Variants in DNAAF11 observed in about 807,000 individuals in gnomAD.
The protein encoded by DNAAF11 is dynein axonemal assembly factor 11.
In DNAAF11, 45 loss-of-function variants were observed where a neutral mutation model predicts 60.8. The ratio of observed to expected loss-of-function variants is 0.74; its 90% confidence interval spans 0.58 to 0.95. The LOEUF (loss-of-function observed/expected upper bound fraction) is 0.95. DNAAF11 is among the 40% of genes least tolerant of loss of function. The pLI is 0.00. For missense variants in DNAAF11, 546 were observed against 546.2 expected (o/e 1.00, Z 0.00); for synonymous variants, 191 against 183.5 (o/e 1.04, Z -0.33).
chr8:132,622,522 G>T, intron 7 of DNAAF11, 89 bp downstream of exon 7: 1 of 948,586 alleles, frequency 1.1e-6, no homozygotes, highest in Non-Finnish European at 1.7e-6. Flanking sequence ...AATATTCTTT[G>T]CAGAGCAAAC....
At chr8:132,656,623 C>T (rs557402136) in intron 3 of DNAAF11, among the ~76,000 whole-genome samples, 1 of 152,218 alleles carries the variant, frequency 6.6e-6, no homozygotes, top group East Asian at 1.9e-4. Context: ...AGGTGCATGC[C>T]ACCACGCCTG....
rs1248373891 is a variant in DNAAF11, at chr8:132,667,811, C to A, written c.11-6184G>T. ...TCTCCAAAATTTGAGGCTGTATCAGCAAAATGACTTTGCAGGGAGCAGGGA... is the reference window on the plus strand; with the variant it reads ...TCTCCAAAATTTGAGGCTGTATCAGAAAAATGACTTTGCAGGGAGCAGGGA... On this transcript the variant is annotated intron_variant, in intron 1 of 11. Transcript: ENST00000620350. Among the ~76,000 whole-genome samples, 6 of 152,220 alleles carry A rather than the reference C, an allele frequency of 3.9e-5. No homozygotes were observed. In the East Asian group the frequency reaches 7.7e-4, roughly 20 times the overall value.
chr8:132,602,102 T>C (rs2129746092), intron 10 of DNAAF11, among the ~76,000 whole-genome samples: 1 of 152,258 alleles, frequency 6.6e-6, no homozygotes, highest in East Asian at 1.9e-4. Context: ...AGTGCTCTCT[T>C]CAGCTATGTC....
intron 10 of DNAAF11, among the ~76,000 whole-genome samples, chr8:132,590,285 A>G (rs1281477140): frequency 6.6e-6 from 1 of 152,198 alleles, no homozygotes; most frequent in Non-Finnish European, 1.5e-5. Flanking sequence ...CAGCAGTGGT[A>G]GAGTCTACTC....
chr8:132,578,424 T>A (rs1814984966), intron 11 of DNAAF11: 1 of 1,490,804 alleles, frequency 6.7e-7, no homozygotes, highest in East Asian at 2.5e-5. Context: ...TTTCCCCGCC[T>A]TAATGTCAGA....
At chr8:132,647,975 C>T (rs981157827) in intron 3 of DNAAF11, among the ~76,000 whole-genome samples, 2 of 152,084 alleles carry the variant, frequency 1.3e-5, no homozygotes, top group Non-Finnish European at 2.9e-5. Flanking sequence ...TTCCAATCAA[C>T]AGAAGAAGAG....
At position 132,656,941 on chromosome 8, in the gene DNAAF11, A is replaced by G. The variant is rs1823635460; in HGVS notation, c.179-34T>C. On this transcript the variant is annotated intron_variant, in intron 2 of 11. Transcript: ENST00000620350. ...CAAGATAATGTAGTTAAGATAATTAATCTTCAAAATAAAGACACTTTTATG... is the reference window on the plus strand; with the variant it reads ...CAAGATAATGTAGTTAAGATAATTAGTCTTCAAAATAAAGACACTTTTATG... The G allele has an allele frequency of 4.0e-6, 3 of 750,448 alleles. No individual in the cohort carries two copies. In the African/African-American group the frequency reaches 5.4e-5, roughly 14 times the overall value. The allele number at this position is 750,448 out of a possible 1,614,324, so 46.5% of individuals were successfully genotyped here.
chr8:132,595,192 C>T (rs1816861434), intron 10 of DNAAF11, among the ~76,000 whole-genome samples: 1 of 151,820 alleles, frequency 6.6e-6, no homozygotes, highest in African/African-American at 2.4e-5. Context: ...ATGCTCTTGG[C>T]AGAAAAAGCA....
At chr8:132,592,000 A>C (rs900240844) in intron 10 of DNAAF11, among the ~76,000 whole-genome samples, 4 of 152,214 alleles carry the variant, frequency 2.6e-5, no homozygotes, top group African/African-American at 9.6e-5. Context: ...TCAATTCTTT[A>C]AAATCCATAT....
the DNAAF11 span, among the ~76,000 whole-genome samples, chr8:132,698,967 C>CA: frequency 9.1e-6 from 1 of 109,618 alleles, no homozygotes; most frequent in African/African-American, 3.3e-5. Context: ...CACACACACA[C>CA]ACACAAAAAA....
chr8:132,584,621 T>C (rs1444324933), intron 10 of DNAAF11, among the ~76,000 whole-genome samples: 1 of 152,162 alleles, frequency 6.6e-6, no homozygotes, highest in Non-Finnish European at 1.5e-5. Flanking sequence ...GCCTTTTGTT[T>C]TCAAGGAGTG....
chr8:132,609,350 G>GAAA (rs530973490), intron 10 of DNAAF11, among the ~76,000 whole-genome samples: 1 of 115,972 alleles, frequency 8.6e-6, no homozygotes, highest in African/African-American at 3.1e-5. Context: ...CGGGAATCAA[G>GAAA]AAAAAAAAAA....
At position 132,611,342 on chromosome 8, in the gene DNAAF11, G is replaced by T. The variant is rs750858514; in HGVS notation, c.996C>A (p.Ile332=). The T allele has an allele frequency of 2.6e-5, 42 of 1,607,940 alleles. No individual in the cohort carries two copies. Among genetic ancestry groups the T allele is most frequent in the Admixed American group, 5.0e-5 (3 of 59,956 alleles). ...AVYRYMDTSL[I]DVDVQPTYVR... Reference sequence around the variant, plus strand: ...CGTAAGTTGGTTGCACATCAACATCGATTAAAGAGGTATCCATATACCTTC... The same window carrying T: ...CGTAAGTTGGTTGCACATCAACATCTATTAAAGAGGTATCCATATACCTTC... Residue 332 remains isoleucine (I), a synonymous_variant, in exon 9 of 12, where the codon ATC becomes ATA. Transcript: ENST00000620350.
chr8:132,674,522 G>C (rs185809743), intron 1 of DNAAF11, among the ~76,000 whole-genome samples: 1 of 152,176 alleles, frequency 6.6e-6, no homozygotes, highest in Non-Finnish European at 1.5e-5. Context: ...AAACGTTGTC[G>C]ATATCAAAAT....
chr8:132,694,612 G>A, the DNAAF11 span, among the ~76,000 whole-genome samples: 3 of 152,200 alleles, frequency 2.0e-5, no homozygotes, highest in Non-Finnish European at 4.4e-5. Context: ...TTTTTAATTT[G>A]TAAAATTGAA....
chr8:132,573,782 A>T (rs1016895160), intron 11 of DNAAF11, among the ~76,000 whole-genome samples: 3 of 152,182 alleles, frequency 2.0e-5, no homozygotes, highest in Non-Finnish European at 4.4e-5. Context: ...TAATCTGCCT[A>T]GTCCTTGAAG....
intron 3 of DNAAF11, among the ~76,000 whole-genome samples, chr8:132,656,571 A>C (rs1823593663): frequency 6.6e-6 from 1 of 152,180 alleles, no homozygotes; most frequent in Non-Finnish European, 1.5e-5. Context: ...TCCTGGGTTC[A>C]AGCGATTCTC....
intron 10 of DNAAF11, among the ~76,000 whole-genome samples, chr8:132,590,018 A>G (rs562318200): frequency 3.3e-5 from 5 of 152,312 alleles, no homozygotes; most frequent in African/African-American, 1.2e-4. Flanking sequence ...TGGGTGTGAC[A>G]TGGTGTCTTA....
At chr8:132,636,028 A>G (rs1821260793) in intron 4 of DNAAF11, among the ~76,000 whole-genome samples, 1 of 151,952 alleles carries the variant, frequency 6.6e-6, no homozygotes, top group Admixed American at 6.6e-5. Flanking sequence ...TCTGGCCTTC[A>G]GAACTACAAG....
Sources: gnomAD v4.1 joint callset for allele counts (sites outside exome capture counted in the v4.1 genomes callset) on GRCh38, gnomAD v4.1.1 for gene constraint, MANE v1.5 for transcripts, NCBI Gene and HGNC (gene_info 2026-07-23, HGNC 2026-07-21) for gene names.